Variants in FBXO40 observed in about 807,000 individuals in gnomAD.
The protein encoded by FBXO40 is F-box only protein 40.
FBXO40 carries 50 observed loss-of-function variants against 49.9 expected under a neutral mutation model. The ratio of observed to expected loss-of-function variants is 1.00; its 90% CI spans 0.80 to 1.27. The LOEUF is 1.27. Ranked by LOEUF, FBXO40 falls within the 50% of genes most tolerant of loss-of-function variation. The pLI is 0.00. For missense variants in FBXO40, 895 were observed against 870.1 expected (o/e 1.03, Z -0.36); for synonymous variants, 340 against 320.2 (o/e 1.06, Z -0.66).
Position 121,629,107 on chromosome 3 carries a change from G to A in FBXO40, c.*2197G>A, listed in dbSNP as rs2049078981. The A allele has an allele frequency of 6.6e-6, 1 of 152,196 alleles. No homozygotes were observed. Among genetic ancestry groups the A allele is most frequent in the African/African-American group, 2.4e-5 (1 of 41,446 alleles). The allele number at this position is 152,196 out of a possible 1,614,324, so 9.4% of individuals were successfully genotyped here. ...TCTCTAAACATGGCTCAGAGCTGGT[G>A]TAGATGAAGTAGGTGAAACCTCTGA... is the stretch of plus-strand genomic sequence containing the variant. On this transcript the variant is annotated 3_prime_UTR_variant, in exon 4 of 4. Coordinates refer to ENST00000338040, the MANE Select transcript of FBXO40 (RefSeq NM_016298.4).
rs150634995 is a variant in FBXO40 at position 121,622,814 on chromosome 3, A to C, written c.1385A>C (p.Glu462Ala). Reference protein sequence around the residue: ...PGGLHVELHSECVTRRHNKSS... With the variant: ...PGGLHVELHSACVTRRHNKSS... ...GGACTCCACGTGGAGCTCCACAGCG[A>C]GTGTGTGACCAGGAGACACAACAAA... The change falls in exon 3 of 4, where the codon GAG becomes GCG. Residue 462 changes from glutamate to alanine, a missense_variant. Physicochemically the swap from Glu to Ala is moderately radical, Grantham distance 107. Coordinates refer to ENST00000338040, the MANE Select transcript of FBXO40 (RefSeq NM_016298.4). 1.0e-4 allele frequency: 162 copies of C among 1,614,092 alleles called. No homozygotes were observed. The Admixed American group carries it at 1.0e-3, about 10-fold the overall frequency.
intron 1 of FBXO40, among the ~76,000 whole-genome samples, chr3:121,594,114 C>T (rs1416764516): frequency 1.3e-5 from 2 of 152,036 alleles, no homozygotes; most frequent in African/African-American, 2.4e-5. Flanking sequence ...ATGATCCGCC[C>T]ACCTCAGCCT....
intron 1 of FBXO40, among the ~76,000 whole-genome samples, chr3:121,607,492 G>A (rs2048938394): frequency 6.6e-6 from 1 of 151,502 alleles, no homozygotes; most frequent in African/African-American, 2.4e-5. Flanking sequence ...TGTATTTTTA[G>A]TAGAGACAGG....
chr3:121,610,558 A>G (rs1458437354), intron 1 of FBXO40, among the ~76,000 whole-genome samples: 1 of 152,186 alleles, frequency 6.6e-6, no homozygotes, highest in Non-Finnish European at 1.5e-5. Context: ...CATAATTAAC[A>G]GGCTTTATCA....
intron 1 of FBXO40, among the ~76,000 whole-genome samples, chr3:121,610,492 C>T (rs1229852501): frequency 6.6e-6 from 1 of 152,106 alleles, no homozygotes; most frequent in Non-Finnish European, 1.5e-5. Context: ...CAATTAACTG[C>T]CCTTGGAACA....
chr3:121,609,332 A>G (rs1216340705), intron 1 of FBXO40, among the ~76,000 whole-genome samples: 1 of 151,794 alleles, frequency 6.6e-6, no homozygotes, highest in Non-Finnish European at 1.5e-5. Flanking sequence ...TTCCTAGGAA[A>G]TTTAGCAATT....
In FBXO40 at chr3:121,620,572, C is replaced by T. The variant is rs768539953; in HGVS notation, c.-4C>T. ...GCTAAGAAGCAAGAAGAAATTGGGG[C>T]GCCATGGTAAGCACCAGGAGCTTAT... On this transcript the variant is annotated 5_prime_UTR_variant, in exon 2 of 4. Coordinates refer to ENST00000338040, the MANE Select transcript of FBXO40 (RefSeq NM_016298.4). 54 of 1,613,942 alleles carry T rather than the reference C, an allele frequency of 3.3e-5. 1 individual carries two copies. In the Middle Eastern group the frequency reaches 6.6e-4, roughly 20 times the overall value.
rs34299530 is a variant in FBXO40 at position 121,626,847 on chromosome 3, G to A, written c.2067G>A (p.Glu689=). The A allele has an allele frequency of 0.011, 16,990 of 1,614,126 alleles. 179 individuals are homozygous for A. The highest frequency in any genetic ancestry group is 0.044 in the Middle Eastern group (264 of 6,062). Residue 689 remains glutamate, a synonymous_variant, in exon 4 of 4, where the codon GAG becomes GAA. Coordinates refer to ENST00000338040, the MANE Select transcript of FBXO40 (RefSeq NM_016298.4). The part of the protein sequence containing the change: ...ILLTSMCQPR[E]QARESLVSTF... ...TGACTAGCATGTGTCAGCCCCGTGA[G>A]CAGGCCCGAGAGAGCTTAGTCTCCA...
intron 1 of FBXO40, among the ~76,000 whole-genome samples, chr3:121,598,409 T>C (rs1277607798): frequency 6.6e-6 from 1 of 152,238 alleles, no homozygotes; most frequent in Non-Finnish European, 1.5e-5. Flanking sequence ...CTGGTAAATA[T>C]TGCCAATCCA....
chr3:121,607,138 G>A (rs2048935759), intron 1 of FBXO40, among the ~76,000 whole-genome samples: 2 of 151,644 alleles, frequency 1.3e-5, no homozygotes, highest in African/African-American at 4.8e-5. Flanking sequence ...AGTGGTGCAT[G>A]CCTGTAGTCC....
intron 1 of FBXO40, among the ~76,000 whole-genome samples, chr3:121,595,909 AT>A (rs2048868721): frequency 6.6e-6 from 1 of 152,216 alleles, no homozygotes; most frequent in African/African-American, 2.4e-5. Flanking sequence ...GAAATAAATC[AT>A]TATTGCCAGC....
At position 121,623,216 on chromosome 3, in the gene FBXO40, T is replaced by A; in HGVS notation, c.1787T>A (p.Leu596His). The change falls in exon 3 of 4, where the codon CTC becomes CAC. Residue 596 changes from leucine to histidine, a missense_variant. Leu to His is a moderately conservative substitution (Grantham distance 99). Coordinates refer to ENST00000338040, the MANE Select transcript of FBXO40 (RefSeq NM_016298.4). ...GFLDSVSLAQ[L>H]SQVSVLMRNI... ...TTGGACAGCGTCAGCCTGGCCCAGC[T>A]CTCCCAGGTGTCTGTGCTGATGAGG... 1.2e-6 allele frequency: 2 copies of A among 1,614,180 alleles called. No homozygotes were observed. The highest frequency in any genetic ancestry group is 2.7e-5 in the African/African-American group (2 of 75,042).
chr3:121,616,447 C>T (rs1307198473), intron 1 of FBXO40, among the ~76,000 whole-genome samples: 1 of 152,166 alleles, frequency 6.6e-6, no homozygotes, highest in Non-Finnish European at 1.5e-5. Flanking sequence ...AGAGGAGCTA[C>T]TAGCCACAAA....
intron 2 of FBXO40, 37 bp from the exon 3 acceptor site, chr3:121,621,396 T>C: frequency 6.4e-7 from 1 of 1,552,954 alleles, no homozygotes; most frequent in Non-Finnish European, 8.8e-7. Context: ...TCCTCAGTAT[T>C]CATTTGTTTT....
At chr3:121,614,118 T>C (rs1216372028) in intron 1 of FBXO40, among the ~76,000 whole-genome samples, 1 of 151,950 alleles carries the variant, frequency 6.6e-6, no homozygotes, top group Non-Finnish European at 1.5e-5. Flanking sequence ...AACACAAAAA[T>C]TAGCTGGCTG....
chr3:121,596,309 T>C (rs1164765027), intron 1 of FBXO40, among the ~76,000 whole-genome samples: 4 of 152,084 alleles, frequency 2.6e-5, no homozygotes, highest in African/African-American at 9.7e-5. Flanking sequence ...CAAAGCACAA[T>C]AGAAAAAAAG....
intron 1 of FBXO40, among the ~76,000 whole-genome samples, chr3:121,598,259 G>A (rs1263453698): frequency 1.3e-5 from 2 of 152,202 alleles, no homozygotes; most frequent in Non-Finnish European, 2.9e-5. Flanking sequence ...AAAAGAGCAA[G>A]CAAGGGAGAG....
rs769760749 is a variant in FBXO40 at position 121,594,110 on chromosome 3, C to T, written c.-31+608C>T. Among the ~76,000 whole-genome samples, 5 of 152,110 alleles carry T rather than the reference C, an allele frequency of 3.3e-5. No individual in the cohort carries two copies. In the East Asian group the frequency reaches 7.7e-4, roughly 23 times the overall value. On this transcript the variant is annotated intron_variant, in intron 1 of 3. Transcript: ENST00000338040. ...CTTGAACTCCTGGCCTCAAATGATC[C>T]GCCCACCTCAGCCTCCAAAAGCGCT...
chr3:121,613,360 A>G (rs967248873), intron 1 of FBXO40, among the ~76,000 whole-genome samples: 4 of 152,174 alleles, frequency 2.6e-5, no homozygotes, highest in Non-Finnish European at 5.9e-5. Flanking sequence ...AAGCAGACCC[A>G]TGGTCGCCTG....
Sources: allele counts gnomAD v4.1 joint callset (sites outside exome capture counted in the v4.1 genomes callset), GRCh38; gene constraint gnomAD v4.1.1; transcripts MANE v1.5; gene names NCBI Gene and HGNC (gene_info 2026-07-23, HGNC 2026-07-21).